Variants in EDA observed in about 807,000 individuals in gnomAD.
EDA encodes ectodysplasin-A.
A neutral mutation model predicts 23.6 loss-of-function variants in EDA; 2 were observed. The observed-to-expected ratio is 0.08, with a 90% CI of 0.03 to 0.27. The LOEUF (loss-of-function observed/expected upper bound fraction) is 0.27. Ranked by LOEUF, EDA falls within the 10% of genes least tolerant of loss-of-function variation. The pLI is 1.00. For missense variants in EDA, 229 were observed against 324.2 expected, an observed-to-expected ratio of 0.71 and a Z score of 2.26; for synonymous variants, 131 against 132.0, an observed-to-expected ratio of 0.99 and a Z score of 0.05.
At chrX:69,894,620 A>T (rs2017981363) in intron 1 of EDA, among the ~76,000 whole-genome samples, 2 of 110,376 alleles carry the variant, frequency 1.8e-5, no homozygotes, top group African/African-American at 3.3e-5. Flanking sequence ...GAGATCTTTC[A>T]CCTCCTTGGT....
At chrX:69,693,593 C>T (rs1448526625) in intron 1 of EDA, among the ~76,000 whole-genome samples, 1 of 111,378 alleles carries the variant, frequency 9.0e-6, no homozygotes, top group Non-Finnish European at 1.9e-5. Context: ...CATGAAGATA[C>T]AATCCAATTG....
intron 1 of EDA, among the ~76,000 whole-genome samples, chrX:69,699,184 T>C (rs766590780): frequency 1.8e-5 from 2 of 110,765 alleles, no homozygotes; most frequent in Non-Finnish European, 3.8e-5. Context: ...GGTGGAGAAG[T>C]TGGAAGAGAG....
At chrX:69,859,797 A>G (rs2017340474) in intron 1 of EDA, among the ~76,000 whole-genome samples, 1 of 111,137 alleles carries the variant, frequency 9.0e-6, no homozygotes, top group African/African-American at 3.3e-5. Flanking sequence ...TGTCTCAATG[A>G]TCTGTCTAAT....
intron 1 of EDA, among the ~76,000 whole-genome samples, chrX:69,895,607 A>C (rs1780372946): frequency 8.9e-6 from 1 of 112,009 alleles, no homozygotes; most frequent in African/African-American, 3.2e-5. Context: ...AAAAAATCCT[A>C]CATTATATAA....
At chrX:69,972,531 G>A (rs1160070321) in intron 2 of EDA, among the ~76,000 whole-genome samples, 1 of 111,676 alleles carries the variant, frequency 9.0e-6, no homozygotes, top group Non-Finnish European at 1.9e-5. Flanking sequence ...AATGTTTGCA[G>A]TACACTTCAA....
chrX:69,740,425 G>T (rs1449662383), intron 1 of EDA, among the ~76,000 whole-genome samples: 2 of 111,029 alleles, frequency 1.8e-5, no homozygotes, highest in Non-Finnish European at 3.8e-5. Context: ...TTGGTTGATG[G>T]TGTTTTTTTT....
chrX:69,677,163 C>A (rs1445967051), intron 1 of EDA, among the ~76,000 whole-genome samples: 35 of 102,755 alleles, frequency 3.4e-4, no homozygotes, highest in Non-Finnish European at 5.6e-4. Flanking sequence ...TGAACTCATC[C>A]TTTTTTATGG....
chrX:70,018,286 T>C (rs914916771), intron 2 of EDA, among the ~76,000 whole-genome samples: 6 of 111,866 alleles, frequency 5.4e-5, no homozygotes, highest in Admixed American at 9.5e-5. Flanking sequence ...CAAAGAAATT[T>C]ACAGATTCAA....
At chrX:69,848,348 A>C (rs1415104588) in intron 1 of EDA, among the ~76,000 whole-genome samples, 1 of 111,331 alleles carries the variant, frequency 9.0e-6, no homozygotes, top group East Asian at 2.8e-4. Context: ...CATTATTGTA[A>C]GAATTCAGGG....
intron 1 of EDA, among the ~76,000 whole-genome samples, chrX:69,924,833 G>A (rs2018488522): frequency 9.0e-6 from 1 of 111,353 alleles, no homozygotes; most frequent in Non-Finnish European, 1.9e-5. Flanking sequence ...TTGAACAGTG[G>A]TTTGTAACAA....
At chrX:69,863,575 G>A (rs186674831) in intron 1 of EDA, among the ~76,000 whole-genome samples, 6 of 58,665 alleles carry the variant, frequency 1.0e-4, no homozygotes, top group East Asian at 5.2e-4. Context: ...GTGTATATAT[G>A]TGTGTGTATA....
chrX:69,956,584 TC>T (rs1322988141), intron 1 of EDA, among the ~76,000 whole-genome samples: 3 of 110,763 alleles, frequency 2.7e-5, no homozygotes, highest in Non-Finnish European at 5.7e-5. Context: ...CCTCAGGTGA[TC>T]CGCCCACCTC....
chrX:69,794,900 C>T (rs1198032302), intron 1 of EDA, among the ~76,000 whole-genome samples: 1 of 111,904 alleles, frequency 8.9e-6, no homozygotes. Context: ...AGATGAGTAG[C>T]TCACCCTTGG....
intron 1 of EDA, among the ~76,000 whole-genome samples, chrX:69,691,069 G>GA (rs776726975): frequency 9.0e-6 from 1 of 111,264 alleles, no homozygotes; most frequent in African/African-American, 3.3e-5. Flanking sequence ...TATTTTCAAA[G>GA]AAAAAAATCG....
intron 1 of EDA, among the ~76,000 whole-genome samples, chrX:69,688,062 C>A (rs975505112): frequency 1.8e-5 from 2 of 111,453 alleles, no homozygotes; most frequent in African/African-American, 6.5e-5. Context: ...ACCCTCTTCA[C>A]AGACTTATCA....
chrX:69,636,260 TGCTCCCTTTCTC>T (rs1932771770), intron 1 of EDA, among the ~76,000 whole-genome samples: 1 of 109,765 alleles, frequency 9.1e-6, no homozygotes, highest in Non-Finnish European at 1.9e-5. Flanking sequence ...TCCTCTTCCT[TGCTCCCTTTCTC>T]ACCATGTGAT....
chrX:70,034,178 T>C (rs1448084682), intron 7 of EDA, among the ~76,000 whole-genome samples: 2 of 111,266 alleles, frequency 1.8e-5, no homozygotes, highest in Admixed American at 9.6e-5. Flanking sequence ...TTTGCCTCCA[T>C]GGGAGTGGCT....
chrX:69,684,771 T>C (rs1257810277), intron 1 of EDA, among the ~76,000 whole-genome samples: 1 of 112,670 alleles, frequency 8.9e-6, no homozygotes, highest in African/African-American at 3.2e-5. Flanking sequence ...CTGATTGAAA[T>C]GCTGTATGCT....
chrX:69,618,462 A>G (rs958450184), intron 1 of EDA, among the ~76,000 whole-genome samples: 1 of 112,020 alleles, frequency 8.9e-6, no homozygotes, highest in African/African-American at 3.2e-5. Context: ...CTAGCTCTTT[A>G]CATTTGTTGA....
Sources: allele counts gnomAD v4.1 joint callset (sites outside exome capture counted in the v4.1 genomes callset), GRCh38; gene constraint gnomAD v4.1.1; transcripts MANE v1.5; gene names NCBI Gene and HGNC (gene_info 2026-07-23, HGNC 2026-07-21).